The following DCAF1 variants were observed in gnomAD, a reference collection of about 807,000 sequenced individuals.
DCAF1 encodes the protein DDB1- and CUL4-associated factor 1.
DCAF1 carries 15 observed loss-of-function variants against 128.0 expected under a neutral mutation model. That is an observed-to-expected ratio of 0.12 (90% confidence interval 0.08 to 0.18). The LOEUF (loss-of-function observed/expected upper bound fraction) is 0.18, where lower values mean the gene tolerates loss of function less well. Ranked by LOEUF, DCAF1 falls within the 10% of genes least tolerant of loss-of-function variation. The probability of loss-of-function intolerance (pLI) is 1.00; values close to 1 mark genes in which losing one functional copy is unlikely to be tolerated. For missense variants in DCAF1, 988 were observed against 1,649.5 expected (o/e 0.60, Z 6.95); for synonymous variants, 610 against 603.0 (o/e 1.01, Z -0.17).
At chr3:51,421,876 GTT>G (rs1699424628) in intron 14 of DCAF1, among the ~76,000 whole-genome samples, 3 of 908 alleles carry the variant, frequency 3.3e-3, no homozygotes, top group Non-Finnish European at 0.024. Flanking sequence ...TGCTTACTTT[GTT>G]GTTTTTTTTT....
intron 3 of DCAF1, among the ~76,000 whole-genome samples, chr3:51,472,509 C>A (rs373436711): frequency 3.9e-5 from 6 of 152,222 alleles, no homozygotes; most frequent in South Asian, 2.1e-4. Context: ...GCCTCAGCCT[C>A]CCAAGTAGCT....
chr3:51,436,537 G>C (rs2107626770), intron 9 of DCAF1: 1 of 431,168 alleles, frequency 2.3e-6, no homozygotes, highest in South Asian at 1.6e-5. Context: ...TGCTAGGATA[G>C]ACTGTATACC....
intron 24 of DCAF1, among the ~76,000 whole-genome samples, chr3:51,402,904 A>G (rs2089833809): frequency 6.6e-6 from 1 of 152,172 alleles, no homozygotes; most frequent in Admixed American, 6.5e-5. Flanking sequence ...ATCTTACAGA[A>G]AAAGTCTGCC....
intron 17 of DCAF1, among the ~76,000 whole-genome samples, chr3:51,417,227 G>A (rs1553630716): frequency 6.6e-6 from 1 of 152,012 alleles, no homozygotes; most frequent in Admixed American, 6.6e-5. Flanking sequence ...AGACCACCCT[G>A]GGCAACATGT....
intron 6 of DCAF1, among the ~76,000 whole-genome samples, chr3:51,454,533 T>C (rs911933907): frequency 5.9e-5 from 9 of 151,796 alleles, no homozygotes; most frequent in Admixed American, 3.9e-4. Flanking sequence ...GGCTAATTTT[T>C]GTATTTTTTT....
chr3:51,454,163 A>T (rs1310147057), intron 6 of DCAF1, among the ~76,000 whole-genome samples: 1 of 152,102 alleles, frequency 6.6e-6, no homozygotes, highest in South Asian at 2.1e-4. Flanking sequence ...CCGCCTCAGC[A>T]TTCCAAACAT....
At chr3:51,397,800 G>A (rs539093761), downstream of DCAF1, 1 of 167,100 alleles carries the variant, frequency 6.0e-6, no homozygotes, top group South Asian at 2.1e-4. Flanking sequence ...GCAAAAAAGG[G>A]ACACACCCCA....
At chr3:51,402,278 C>G (rs2089759867) in intron 24 of DCAF1, among the ~76,000 whole-genome samples, 1 of 152,132 alleles carries the variant, frequency 6.6e-6, no homozygotes, top group Admixed American at 6.5e-5. Context: ...CACAAGAGGG[C>G]CTGCATTTCT....
chr3:51,491,078 A>G (rs2082992), intron 2 of DCAF1, among the ~76,000 whole-genome samples: 11,153 of 148,302 alleles, frequency 0.075, 967 homozygotes, highest in East Asian at 0.34. Flanking sequence ...GGTCAGGCGC[A>G]GTGGCTCACA....
intron 2 of DCAF1, among the ~76,000 whole-genome samples, chr3:51,485,896 T>A (rs63212960): frequency 0.019 from 2,899 of 149,612 alleles, 30 homozygotes; most frequent in African/African-American, 0.024. Context: ...TTTTTTTTTT[T>A]TTTTTTTTTT....
At chr3:51,403,063 C>G in intron 24 of DCAF1, 80 bp downstream of exon 24, 1 of 1,495,254 alleles carries the variant, frequency 6.7e-7, no homozygotes, top group Admixed American at 2.4e-5. Context: ...GTATGGCTTG[C>G]CCTCTAAGTT....
At position 51,446,993 on chromosome 3, in the gene DCAF1, T is replaced by TAATAATAATAATAATAAA. The variant is rs1457860366; in HGVS notation, c.376-3091_376-3090insTTTATTATTATTATTATT. On this transcript the variant is annotated intron_variant, in intron 6 of 24. Transcript: ENST00000684031. ...ATAATAATAATAATAATAATAATAA[T>TAATAATAATAATAATAAA]AATAATAAAATGTTTTAAATATTTT... is the stretch of plus-strand genomic sequence containing the variant. Among the ~76,000 whole-genome samples, 1,278 of 147,494 alleles carry TAATAATAATAATAATAAA rather than the reference T, an allele frequency of 8.7e-3. 11 individuals are homozygous for TAATAATAATAATAATAAA. The highest frequency in any genetic ancestry group is 0.026 in the South Asian group (121 of 4,744).
At chr3:51,504,832 G>A (rs1708902789), upstream of DCAF1, among the ~76,000 whole-genome samples, 1 of 152,088 alleles carries the variant, frequency 6.6e-6, no homozygotes. Context: ...AGAAGGCCTG[G>A]GCCTGGCACG....
At chr3:51,445,492 T>C (rs974290481) in intron 6 of DCAF1, among the ~76,000 whole-genome samples, 2 of 152,180 alleles carry the variant, frequency 1.3e-5, no homozygotes, top group Non-Finnish European at 2.9e-5. Flanking sequence ...TATTTGCAGA[T>C]GAGGAAAATG....
At chr3:51,477,178 G>C (rs1054189018) in intron 3 of DCAF1, among the ~76,000 whole-genome samples, 1 of 152,150 alleles carries the variant, frequency 6.6e-6, no homozygotes, top group East Asian at 1.9e-4. Context: ...ATGAATTCAA[G>C]TTACAAAATG....
At chr3:51,487,401 A>C (rs1448291269) in intron 2 of DCAF1, among the ~76,000 whole-genome samples, 1 of 152,186 alleles carries the variant, frequency 6.6e-6, no homozygotes, top group Non-Finnish European at 1.5e-5. Context: ...TACACTGTCA[A>C]AATTAAGAAA....
downstream of DCAF1, chr3:51,396,067 A>C: frequency 2.4e-6 from 1 of 411,422 alleles, no homozygotes; most frequent in Middle Eastern, 6.3e-4. Flanking sequence ...CTCTCCAACA[A>C]ACGCCTGAGT....
chr3:51,495,196 C>T lies in DCAF1; in HGVS notation c.-9+1538G>A, dbSNP rs188024762. Among the ~76,000 whole-genome samples, 910 of 151,892 alleles carry T rather than the reference C, an allele frequency of 6.0e-3. 23 individuals carry two copies. The highest frequency in any genetic ancestry group is 0.048 in the East Asian group (246 of 5,124). ...AAAATTAGCCGGACGTGGCAGCAGG[C>T]GCCTGCAATCCCAGCCACTCGGGAG... On this transcript the variant is annotated intron_variant, in intron 2 of 24. Transcript: ENST00000684031.
At chr3:51,503,835 A>G (rs1708878101), upstream of DCAF1, among the ~76,000 whole-genome samples, 1 of 152,192 alleles carries the variant, frequency 6.6e-6, no homozygotes, top group South Asian at 2.1e-4. Context: ...AGAGAAAGAA[A>G]CAAATTCCAC....
Sources: gnomAD v4.1 joint callset for allele counts (sites outside exome capture counted in the v4.1 genomes callset) on GRCh38, gnomAD v4.1.1 for gene constraint, MANE v1.5 for transcripts, NCBI Gene and HGNC (gene_info 2026-07-23, HGNC 2026-07-21) for gene names.